The following VSTM4 variants were observed in gnomAD, a reference collection of about 807,000 sequenced individuals.
The protein encoded by VSTM4 is V-set and transmembrane domain containing 4.
A neutral mutation model predicts 36.4 loss-of-function variants in VSTM4; 20 were observed. That is an observed-to-expected ratio of 0.55 (90% CI 0.39 to 0.80). The LOEUF (loss-of-function observed/expected upper bound fraction) is 0.80, where lower values mean the gene tolerates loss of function less well. Ranked by LOEUF, VSTM4 falls within the 30% of genes least tolerant of loss-of-function variation. VSTM4 has a pLI of 0.00. For synonymous variants in VSTM4, 182 were observed against 173.9 expected, an observed-to-expected ratio of 1.05 and a Z score of -0.37; for missense variants, 392 against 404.5, an observed-to-expected ratio of 0.97 and a Z score of 0.26.
chr10:49,038,864 C>T (rs1278084232), intron 7 of VSTM4, among the ~76,000 whole-genome samples: 1 of 151,998 alleles, frequency 6.6e-6, no homozygotes, highest in Non-Finnish European at 1.5e-5. Context: ...GAGAAGACAG[C>T]CCAAGAGAAG....
chr10:49,095,616 G>A (rs778779703), intron 2 of VSTM4, among the ~76,000 whole-genome samples: 9 of 152,184 alleles, frequency 5.9e-5, no homozygotes, highest in Non-Finnish European at 1.2e-4. Context: ...GCCCAGGGCT[G>A]TCTGCTGAAG....
At chr10:49,037,207 C>G (rs965991355) in intron 7 of VSTM4, among the ~76,000 whole-genome samples, 3 of 152,238 alleles carry the variant, frequency 2.0e-5, no homozygotes, top group Non-Finnish European at 2.9e-5. Flanking sequence ...AAGCAGAGTC[C>G]TCTCTGGAGG....
chr10:49,106,125 A>G (rs1288142588), intron 2 of VSTM4, among the ~76,000 whole-genome samples: 1 of 152,206 alleles, frequency 6.6e-6, no homozygotes, highest in African/African-American at 2.4e-5. Flanking sequence ...AAATTGAACT[A>G]CTGTAAAGAC....
chr10:49,059,525 C>T (rs1021355608), intron 5 of VSTM4, among the ~76,000 whole-genome samples: 3 of 152,148 alleles, frequency 2.0e-5, no homozygotes, highest in African/African-American at 7.2e-5. Context: ...AAAAGAGGGG[C>T]CCCAGTAGCC....
chr10:49,077,097 G>A (rs1844191595), intron 4 of VSTM4, 122 bp downstream of exon 4: 2 of 976,420 alleles, frequency 2.0e-6, no homozygotes, highest in African/African-American at 1.6e-5. Context: ...CACAGTCACA[G>A]GTAAATAATC....
intron 5 of VSTM4, among the ~76,000 whole-genome samples, chr10:49,062,366 C>A (rs1843892129): frequency 6.6e-6 from 1 of 152,110 alleles, no homozygotes; most frequent in Non-Finnish European, 1.5e-5. Context: ...CTGACAGTGA[C>A]AATCTCTTTT....
rs368755100 is a variant in VSTM4 at position 49,103,895 on chromosome 10, G to C, written c.457+3699C>G. On this transcript the variant is annotated intron_variant, in intron 2 of 7. Coordinates refer to ENST00000332853, the MANE Select transcript of VSTM4 (RefSeq NM_001031746.5). Reference sequence around the variant, plus strand: ...GGAGGGAGGTGACATGAGCAGGTTAGACAAGAGAGACCACGGGCCTGGGGT... The same window carrying C: ...GGAGGGAGGTGACATGAGCAGGTTACACAAGAGAGACCACGGGCCTGGGGT... 156 of 1,591,734 alleles carry C rather than the reference G, an allele frequency of 9.8e-5. 1 individual carries two copies. In the African/African-American group the frequency reaches 1.6e-3, roughly 16 times the overall value.
intron 1 of VSTM4, among the ~76,000 whole-genome samples, chr10:49,108,903 T>C (rs976567068): frequency 3.3e-5 from 5 of 151,706 alleles, no homozygotes; most frequent in Admixed American, 2.0e-4. Flanking sequence ...GCTGAAGTCT[T>C]CTCCCAGGAG....
intron 2 of VSTM4, among the ~76,000 whole-genome samples, chr10:49,098,130 A>G (rs867400799): frequency 6.6e-6 from 1 of 151,996 alleles, no homozygotes; most frequent in Admixed American, 6.6e-5. Context: ...CCCCCTGCTT[A>G]TGCTCCCTCA....
chr10:49,085,831 C>A, intron 3 of VSTM4, 124 bp downstream of exon 3: 1 of 544,484 alleles, frequency 1.8e-6, no homozygotes, highest in Non-Finnish European at 3.2e-6. Flanking sequence ...GTGGCACATG[C>A]ATATATATGT....
chr10:49,073,674 G>T (rs1052794016), intron 4 of VSTM4, among the ~76,000 whole-genome samples: 2 of 152,230 alleles, frequency 1.3e-5, no homozygotes, highest in African/African-American at 4.8e-5. Flanking sequence ...ACGCTCAGGG[G>T]ATGTTCTGAT....
chr10:49,055,632 T>TTGC (rs1843767187), intron 5 of VSTM4, among the ~76,000 whole-genome samples: 1 of 152,224 alleles, frequency 6.6e-6, no homozygotes, highest in Admixed American at 6.5e-5. Flanking sequence ...CCTTAGGCTT[T>TTGC]TTGAACTTGC....
chr10:49,079,662 T>A (rs1844242691), intron 3 of VSTM4, among the ~76,000 whole-genome samples: 1 of 152,128 alleles, frequency 6.6e-6, no homozygotes, highest in African/African-American at 2.4e-5. Context: ...GACCACTTAG[T>A]AAGTGTAACA....
At chr10:49,061,937 A>C (rs1843884980) in intron 5 of VSTM4, among the ~76,000 whole-genome samples, 1 of 152,200 alleles carries the variant, frequency 6.6e-6, no homozygotes, top group African/African-American at 2.4e-5. Context: ...TATTTCCTGT[A>C]ATTCTCATTC....
intron 7 of VSTM4, among the ~76,000 whole-genome samples, chr10:49,040,022 C>A (rs1023680533): frequency 1.3e-5 from 2 of 152,204 alleles, no homozygotes; most frequent in Non-Finnish European, 2.9e-5. Context: ...TTAGCTCCTA[C>A]GGCCCCAGGA....
At chr10:49,081,377 T>C (rs995242209) in intron 3 of VSTM4, among the ~76,000 whole-genome samples, 1 of 152,086 alleles carries the variant, frequency 6.6e-6, no homozygotes, top group Non-Finnish European at 1.5e-5. Flanking sequence ...GAGAGAAAAA[T>C]TGTCTTACAA....
At chr10:49,042,647 C>G (rs1021349734) in intron 7 of VSTM4, among the ~76,000 whole-genome samples, 1 of 152,140 alleles carries the variant, frequency 6.6e-6, no homozygotes, top group Non-Finnish European at 1.5e-5. Context: ...GCTCATGTAC[C>G]CAATTATGGA....
intron 4 of VSTM4, among the ~76,000 whole-genome samples, chr10:49,066,280 T>C (rs1843972704): frequency 6.6e-6 from 1 of 152,156 alleles, no homozygotes; most frequent in Admixed American, 6.5e-5. Context: ...AAATGAGACA[T>C]CAAACAAGAA....
chr10:49,064,806 A>G, intron 4 of VSTM4, 70 bp from the exon 5 acceptor site: 3 of 1,532,934 alleles, frequency 2.0e-6, no homozygotes, highest in Non-Finnish European at 2.7e-6. Context: ...CAGGAATTAC[A>G]AGGAAATGCC....
Sources: allele counts gnomAD v4.1 joint callset (sites outside exome capture counted in the v4.1 genomes callset), GRCh38; gene constraint gnomAD v4.1.1; transcripts MANE v1.5; gene names NCBI Gene and HGNC (gene_info 2026-07-23, HGNC 2026-07-21).